The following FOXP2 variants were observed in gnomAD, a reference collection of about 807,000 sequenced individuals.
The protein encoded by FOXP2 is forkhead box P2, also known as forkhead box protein P2.
FOXP2 carries 12 observed loss-of-function variants against 115.8 expected under a neutral mutation model. The ratio of observed to expected loss-of-function variants is 0.10; its 90% confidence interval spans 0.07 to 0.17. The LOEUF is 0.17. Ranked by LOEUF, FOXP2 falls within the 10% of genes least tolerant of loss-of-function variation. The pLI, the probability that FOXP2 is intolerant of heterozygous loss-of-function variation, is 1.00. For missense variants in FOXP2, 629 were observed against 843.5 expected, an observed-to-expected ratio of 0.75 and a Z score of 3.15; for synonymous variants, 328 against 297.7, an observed-to-expected ratio of 1.10 and a Z score of -1.05.
chr7:114,405,263 A>T (rs941449977), intron 2 of FOXP2, among the ~76,000 whole-genome samples: 12 of 151,888 alleles, frequency 7.9e-5, no homozygotes, highest in Non-Finnish European at 1.5e-4. Flanking sequence ...CAACGTCCAT[A>T]TACTCCTTAT....
chr7:114,665,972 G>T (rs1192818292), intron 16 of FOXP2: 1 of 151,698 alleles, frequency 6.6e-6, no homozygotes, highest in Non-Finnish European at 1.5e-5. Context: ...TTGTTAGATG[G>T]GTATTGGTTT....
intron 2 of FOXP2, among the ~76,000 whole-genome samples, chr7:114,488,356 A>C (rs1268204018): frequency 1.3e-5 from 2 of 152,236 alleles, no homozygotes. Flanking sequence ...GCCAAACCAT[A>C]TCAGTGTCAT....
intron 1 of FOXP2, among the ~76,000 whole-genome samples, chr7:114,140,851 G>A (rs898667640): frequency 2.0e-5 from 3 of 152,222 alleles, no homozygotes; most frequent in Non-Finnish European, 4.4e-5. Flanking sequence ...TACTTACTGT[G>A]ACTTGTCAGC....
intron 2 of FOXP2, among the ~76,000 whole-genome samples, chr7:114,514,701 A>AT (rs1407387777): frequency 6.6e-6 from 1 of 150,652 alleles, no homozygotes; most frequent in Non-Finnish European, 1.5e-5. Flanking sequence ...TTATTTATTT[A>AT]TTTTTTATAT....
intron 2 of FOXP2, among the ~76,000 whole-genome samples, chr7:114,445,179 A>C (rs924101938): frequency 1.2e-4 from 18 of 152,164 alleles, no homozygotes; most frequent in African/African-American, 4.1e-4. Context: ...GGGATCAGAT[A>C]CTATTTATCT....
rs1169904285 is a variant in FOXP2 at position 114,417,837 on chromosome 7, C to T, written c.-11+2477C>T. Among the ~76,000 whole-genome samples, 2 of 151,822 alleles carry T rather than the reference C, an allele frequency of 1.3e-5. 1 individual carries two copies. Among genetic ancestry groups the T allele is most frequent in the Non-Finnish European group, 2.9e-5 (2 of 67,918 alleles). ...TTCTTTAGAAACTGACAAATGCATG[C>T]ATTTTTGGTATTTTCTTATAGCATT... On this transcript the variant is annotated intron_variant, in intron 1 of 16. Coordinates refer to ENST00000350908, the MANE Select transcript of FOXP2 (RefSeq NM_014491.4).
chr7:114,578,463 A>G (rs1359758332), intron 3 of FOXP2, among the ~76,000 whole-genome samples: 1 of 152,110 alleles, frequency 6.6e-6, no homozygotes, highest in African/African-American at 2.4e-5. Flanking sequence ...TAAAGAATAA[A>G]AGTGACTTCC....
chr7:114,559,657 C>T (rs1221437049), intron 3 of FOXP2, among the ~76,000 whole-genome samples: 1 of 151,982 alleles, frequency 6.6e-6, no homozygotes, highest in Non-Finnish European at 1.5e-5. Context: ...CCAAGGCGGG[C>T]AGATCACGAG....
At chr7:114,534,451 G>A (rs1799281622) in intron 2 of FOXP2, among the ~76,000 whole-genome samples, 166 bp from the exon 3 acceptor site, 1 of 151,794 alleles carries the variant, frequency 6.6e-6, no homozygotes, top group Non-Finnish European at 1.5e-5. Context: ...AGTTATATAT[G>A]TGTGTTTGGC....
chr7:114,152,417 G>C (rs1792551049), intron 1 of FOXP2, among the ~76,000 whole-genome samples: 2 of 152,196 alleles, frequency 1.3e-5, no homozygotes, highest in African/African-American at 4.8e-5. Flanking sequence ...AGATGGTAGA[G>C]TGTTTGCCCA....
chr7:114,291,913 A>ATG lies in FOXP2; in HGVS notation c.-11+3805_-11+3806insGT, dbSNP rs201110632. 1.7e-3 allele frequency among the ~76,000 whole-genome samples: 214 copies of ATG among 128,644 alleles called. 21 individuals are homozygous for ATG. Among genetic ancestry groups the ATG allele is most frequent in the African/African-American group, 6.5e-3 (174 of 26,704 alleles). 84.4% of individuals were successfully genotyped at this position (128,644 alleles called of 152,430 possible). A position where few individuals can be genotyped will look rare whatever the true frequency, so the allele number is the denominator to read the frequency against. On this transcript the variant is annotated intron_variant, in intron 2 of 17. Coordinates refer to the FOXP2 transcript ENST00000634411. ...ATATATTATAGATAATATATAGAATATATATTATAGATAATATATAGAATA... is the reference window on the plus strand; with the variant it reads ...ATATATTATAGATAATATATAGAATATGTATATTATAGATAATATATAGAATA...
chr7:114,512,396 T>C (rs1220844996), intron 2 of FOXP2, among the ~76,000 whole-genome samples: 3 of 152,184 alleles, frequency 2.0e-5, no homozygotes, highest in Admixed American at 1.3e-4. Flanking sequence ...AGCTTATTTA[T>C]AACCATAACA....
At chr7:114,421,672 A>G (rs1793628332) in intron 1 of FOXP2, among the ~76,000 whole-genome samples, 2 of 151,716 alleles carry the variant, frequency 1.3e-5, no homozygotes, top group Non-Finnish European at 3.0e-5. Flanking sequence ...TCCCCAAATC[A>G]TGTTTTAAAA....
intron 2 of FOXP2, among the ~76,000 whole-genome samples, chr7:114,341,673 ACTT>A (rs1584650100): frequency 6.6e-6 from 1 of 151,294 alleles, no homozygotes. Context: ...TCACTGGAGA[ACTT>A]CTTTATATTT....
At chr7:114,271,701 T>A in intron 1 of FOXP2, among the ~76,000 whole-genome samples, 1 of 117,034 alleles carries the variant, frequency 8.5e-6, no homozygotes, top group African/African-American at 3.5e-5. Flanking sequence ...ATATATTTAA[T>A]ATATTATTTA....
chr7:114,305,209 C>T (rs773684972), intron 2 of FOXP2, among the ~76,000 whole-genome samples: 40 of 152,140 alleles, frequency 2.6e-4, no homozygotes, highest in Non-Finnish European at 1.6e-4. Context: ...GAGTGCACTG[C>T]GTTTCACAGA....
At chr7:114,141,640 C>T (rs996088278) in intron 1 of FOXP2, among the ~76,000 whole-genome samples, 2 of 152,164 alleles carry the variant, frequency 1.3e-5, no homozygotes, top group Non-Finnish European at 2.9e-5. Context: ...ATTGTCACTG[C>T]TGCAAGGTAA....
At chr7:114,171,872 A>G (rs9648970) in intron 1 of FOXP2, among the ~76,000 whole-genome samples, 103,993 of 152,096 alleles carry the variant, frequency 0.68, 40,408 homozygotes, top group Non-Finnish European at 0.87. Flanking sequence ...CAAAATATCA[A>G]CATTAACAGG....
chr7:114,487,517 T>C (rs576294836), intron 2 of FOXP2, among the ~76,000 whole-genome samples: 1 of 152,348 alleles, frequency 6.6e-6, no homozygotes, highest in South Asian at 2.1e-4. Flanking sequence ...AAACTTCTGC[T>C]GCCAGCTTGA....
Sources: gnomAD v4.1 joint callset for allele counts (sites outside exome capture counted in the v4.1 genomes callset) on GRCh38, gnomAD v4.1.1 for gene constraint, MANE v1.5 for transcripts, NCBI Gene and HGNC (gene_info 2026-07-23, HGNC 2026-07-21) for gene names.